Variants in STPG2 observed in about 807,000 individuals in gnomAD.
STPG2 encodes sperm tail PG-rich repeat containing 2.
In STPG2, 56 loss-of-function variants were observed where a neutral mutation model predicts 54.2. The observed-to-expected ratio is 1.03, with a 90% CI of 0.83 to 1.29. STPG2 has a LOEUF of 1.29. STPG2 is among the 50% of genes most tolerant of loss of function. The pLI is 0.00. For synonymous variants in STPG2, 200 were observed against 181.8 expected, an observed-to-expected ratio of 1.10 and a Z score of -0.81; for missense variants, 596 against 544.9, an observed-to-expected ratio of 1.09 and a Z score of -0.93.
intron 1 of STPG2, among the ~76,000 whole-genome samples, chr4:98,137,736 TA>T (rs146323704): frequency 0.076 from 11,516 of 151,326 alleles, 490 homozygotes; most frequent in African/African-American, 0.1. Context: ...ATATAAAAGT[TA>T]AAAAAAATAC....
intron 5 of STPG2, among the ~76,000 whole-genome samples, chr4:98,069,918 G>GT (rs909156731): frequency 3.3e-5 from 5 of 151,882 alleles, no homozygotes; most frequent in African/African-American, 1.2e-4. Flanking sequence ...GGATGGGCAG[G>GT]TTTGCCAGCA....
At chr4:98,114,785 G>GTT (rs1560685962) in intron 3 of STPG2, among the ~76,000 whole-genome samples, 5 of 151,364 alleles carry the variant, frequency 3.3e-5, no homozygotes, top group African/African-American at 1.2e-4. Context: ...GTGTGTGTGT[G>GTT]TGTGTGTCTA....
chr4:97,547,612 G>GA (rs1228631197), intron 4 of STPG2, among the ~76,000 whole-genome samples: 1 of 152,216 alleles, frequency 6.6e-6, no homozygotes, highest in Non-Finnish European at 1.5e-5. Flanking sequence ...GTGATGCGGA[G>GA]AAAGACTGAA....
chr4:98,133,821 T>G (rs1740064651), intron 2 of STPG2, among the ~76,000 whole-genome samples: 2 of 152,140 alleles, frequency 1.3e-5, no homozygotes, highest in Admixed American at 1.3e-4. Context: ...ATGCAAAATT[T>G]ATGTGAAAAT....
intron 7 of STPG2, among the ~76,000 whole-genome samples, chr4:97,969,524 T>C (rs970312343): frequency 6.6e-6 from 1 of 152,186 alleles, no homozygotes; most frequent in Non-Finnish European, 1.5e-5. Flanking sequence ...CACTATTTTC[T>C]GTGTTTCTTT....
At chr4:97,790,242 G>T (rs762591723) in intron 9 of STPG2, among the ~76,000 whole-genome samples, 4 of 152,148 alleles carry the variant, frequency 2.6e-5, no homozygotes, top group Non-Finnish European at 5.9e-5. Flanking sequence ...TACTTTGCAT[G>T]ATGAGATTTT....
intron 9 of STPG2, among the ~76,000 whole-genome samples, chr4:97,839,951 A>G (rs935925752): frequency 6.6e-6 from 1 of 151,574 alleles, no homozygotes; most frequent in Non-Finnish European, 1.5e-5. Context: ...CCTGTAATTT[A>G]TTGTTGAAAA....
chr4:97,517,052 C>T (rs1731089945), intron 4 of STPG2, among the ~76,000 whole-genome samples: 1 of 151,716 alleles, frequency 6.6e-6, no homozygotes, highest in African/African-American at 2.4e-5. Context: ...GGATTATAGG[C>T]CTGTGCCACT....
intron 10 of STPG2, among the ~76,000 whole-genome samples, chr4:97,561,577 T>G (rs2148874607): frequency 6.6e-6 from 1 of 152,326 alleles, no homozygotes; most frequent in South Asian, 2.1e-4. Flanking sequence ...TTCTATGGTT[T>G]AAGGTCTAAC....
At chr4:97,797,967 A>T (rs1727255532) in intron 9 of STPG2, among the ~76,000 whole-genome samples, 1 of 152,044 alleles carries the variant, frequency 6.6e-6, no homozygotes, top group Non-Finnish European at 1.5e-5. Context: ...TTTCTAGTTT[A>T]TTTGCATAGA....
intron 10 of STPG2, among the ~76,000 whole-genome samples, chr4:97,600,766 T>C (rs1733437759): frequency 6.6e-6 from 1 of 152,148 alleles, no homozygotes; most frequent in Non-Finnish European, 1.5e-5. Flanking sequence ...TAGTTTTATA[T>C]AGACCGTTAA....
In STPG2 at chr4:97,915,049, T is replaced by G. The variant is rs10034949; in HGVS notation, c.1044+28848A>C. Among the ~76,000 whole-genome samples the G allele has an allele frequency of 1.6e-3, 250 of 152,336 alleles. 1 individual carries two copies. Among genetic ancestry groups the G allele is most frequent in the African/African-American group, 5.7e-3 (238 of 41,578 alleles). On this transcript the variant is annotated intron_variant, in intron 8 of 10. Coordinates refer to ENST00000295268, the MANE Select transcript of STPG2 (RefSeq NM_174952.3). ...GTGTATACCACAATTTGTTTATCCA[T>G]TCATCTAGTGATAGATATTTGGGTG...
chr4:98,037,013 A>G (rs1736799891), intron 5 of STPG2, among the ~76,000 whole-genome samples: 1 of 152,088 alleles, frequency 6.6e-6, no homozygotes, highest in Non-Finnish European at 1.5e-5. Flanking sequence ...ACCTGAATAA[A>G]TCAATGTCGA....
intron 10 of STPG2, among the ~76,000 whole-genome samples, chr4:97,647,410 G>A (rs1721942073): frequency 6.6e-6 from 1 of 152,130 alleles, no homozygotes; most frequent in Non-Finnish European, 1.5e-5. Flanking sequence ...TGAGAAGGCT[G>A]AAAGCAAGAA....
At chr4:97,794,647 G>C (rs1046497676) in intron 9 of STPG2, among the ~76,000 whole-genome samples, 1 of 152,040 alleles carries the variant, frequency 6.6e-6, no homozygotes, top group African/African-American at 2.4e-5. Flanking sequence ...GTGCAGCATT[G>C]TCTAGCTGCA....
At chr4:97,730,971 C>T (rs184274462) in intron 9 of STPG2, among the ~76,000 whole-genome samples, 1 of 152,218 alleles carries the variant, frequency 6.6e-6, no homozygotes, top group South Asian at 2.1e-4. Context: ...AGCTTTTGTG[C>T]CATCCAGATT....
chr4:97,967,390 C>T (rs1442597377), intron 7 of STPG2, among the ~76,000 whole-genome samples: 1 of 151,852 alleles, frequency 6.6e-6, no homozygotes, highest in Admixed American at 6.6e-5. Context: ...CTACATTAGA[C>T]TCCTACACAA....
intron 5 of STPG2, among the ~76,000 whole-genome samples, chr4:98,062,479 T>G (rs540012458): frequency 6.6e-6 from 1 of 152,250 alleles, no homozygotes; most frequent in South Asian, 2.1e-4. Flanking sequence ...AAAAAACTTG[T>G]ATTTGGAATA....
At chr4:97,635,175 G>C (rs1721464430) in intron 10 of STPG2, among the ~76,000 whole-genome samples, 1 of 151,858 alleles carries the variant, frequency 6.6e-6, no homozygotes, top group Non-Finnish European at 1.5e-5. Flanking sequence ...AAGAGAGTGG[G>C]GACCAATATT....
Sources: gnomAD v4.1 joint callset for allele counts (sites outside exome capture counted in the v4.1 genomes callset) on GRCh38, gnomAD v4.1.1 for gene constraint, MANE v1.5 for transcripts, NCBI Gene and HGNC (gene_info 2026-07-23, HGNC 2026-07-21) for gene names.